The following DPF3 variants were observed in gnomAD, a reference collection of about 807,000 sequenced individuals.
The protein encoded by DPF3 is zinc finger protein DPF3.
A neutral mutation model predicts 56.8 loss-of-function variants in DPF3; 18 were observed. The observed-to-expected ratio is 0.32, with a 90% CI of 0.22 to 0.47. The LOEUF (loss-of-function observed/expected upper bound fraction) is 0.47, where lower values mean the gene tolerates loss of function less well. Ranked by LOEUF, DPF3 falls within the 20% of genes least tolerant of loss-of-function variation. The pLI, the probability that DPF3 is intolerant of heterozygous loss-of-function variation, is 1.00. For missense variants in DPF3, 403 were observed against 488.8 expected, an observed-to-expected ratio of 0.82 and a Z score of 1.65; for synonymous variants, 188 against 180.2, an observed-to-expected ratio of 1.04 and a Z score of -0.35.
intron 6 of DPF3, among the ~76,000 whole-genome samples, chr14:72,705,906 G>A (rs1237984518): frequency 1.3e-5 from 2 of 152,144 alleles, no homozygotes; most frequent in Admixed American, 6.5e-5. Context: ...GTGATAGTGT[G>A]TGTGGTGGGG....
At chr14:72,695,199 G>T (rs920738857) in intron 6 of DPF3, among the ~76,000 whole-genome samples, 1 of 152,184 alleles carries the variant, frequency 6.6e-6, no homozygotes, top group Non-Finnish European at 1.5e-5. Context: ...ATCTGAAAAT[G>T]AGGATAACAG....
At chr14:72,787,037 G>T (rs529484857) in intron 1 of DPF3, among the ~76,000 whole-genome samples, 1 of 152,350 alleles carries the variant, frequency 6.6e-6, no homozygotes, top group South Asian at 2.1e-4. Context: ...CGGACTCAGA[G>T]AGAGTTGATT....
intron 1 of DPF3, among the ~76,000 whole-genome samples, chr14:72,775,162 A>G (rs1891698720): frequency 1.3e-5 from 2 of 151,156 alleles, no homozygotes; most frequent in African/African-American, 2.4e-5. Context: ...CAGACTGCCA[A>G]AAAAAAAAGA....
intron 1 of DPF3, among the ~76,000 whole-genome samples, chr14:72,826,559 A>AGAT (rs1214424714): frequency 6.6e-6 from 1 of 152,220 alleles, no homozygotes; most frequent in African/African-American, 2.4e-5. Flanking sequence ...AGGAGAGGAG[A>AGAT]GATGATGCAT....
intron 1 of DPF3, among the ~76,000 whole-genome samples, chr14:72,860,552 A>ATTCTTT (rs55841508): frequency 0.6 from 89,946 of 149,282 alleles, 27,259 homozygotes; most frequent in Middle Eastern, 0.63. Flanking sequence ...CTGCAGCTTA[A>ATTCTTT]TTCTTTTTCT....
chr14:72,705,525 T>C (rs1888364749), intron 6 of DPF3, among the ~76,000 whole-genome samples: 1 of 152,148 alleles, frequency 6.6e-6, no homozygotes, highest in Non-Finnish European at 1.5e-5. Flanking sequence ...TGGAAAAATT[T>C]TCTTCCATGA....
chr14:72,825,495 GTAAGTTCAGTATCAA>G (rs1165401632), intron 1 of DPF3, among the ~76,000 whole-genome samples: 1 of 152,238 alleles, frequency 6.6e-6, no homozygotes, highest in Non-Finnish European at 1.5e-5. Context: ...CCAGCTAAAA[GTAAGTTCAGTATCAA>G]TTCAGGGCTT....
chr14:72,890,501 G>GATGATAATAATAATAATAATAATAATA (rs147775004), intron 1 of DPF3, among the ~76,000 whole-genome samples: 1 of 146,492 alleles, frequency 6.8e-6, no homozygotes, highest in East Asian at 2.0e-4. Context: ...AAAAAATAAT[G>GATGATAATAATAATAATAATAATAATA]ATAATAATAA....
At position 72,857,736 on chromosome 14, in the gene DPF3, G is replaced by A. The variant is rs142456542; in HGVS notation, c.32+36321C>T. On this transcript the variant is annotated intron_variant, in intron 1 of 10. Transcript: ENST00000556509. ...CGAGCAGCTGGGACTACAGGCACAC[G>A]CCACCATGCCCAGCTAATTTTTTTG... 8.2e-3 allele frequency among the ~76,000 whole-genome samples: 1,253 copies of A among 152,094 alleles called. 13 individuals are homozygous for A. Among genetic ancestry groups the A allele is most frequent in the African/African-American group, 0.027 (1,130 of 41,508 alleles).
intron 1 of DPF3, among the ~76,000 whole-genome samples, chr14:72,822,643 T>C (rs187958134): frequency 1.2e-4 from 19 of 152,306 alleles, no homozygotes; most frequent in African/African-American, 4.6e-4. Flanking sequence ...AATTACTTTC[T>C]GTAGTGTTTA....
At chr14:72,663,867 G>A (rs1886331893) in intron 8 of DPF3, among the ~76,000 whole-genome samples, 1 of 152,040 alleles carries the variant, frequency 6.6e-6, no homozygotes, top group African/African-American at 2.4e-5. Context: ...ACCTCTCCTG[G>A]TACCCAAGCA....
intron 1 of DPF3, among the ~76,000 whole-genome samples, chr14:72,838,803 T>G (rs1440573014): frequency 6.6e-6 from 1 of 150,934 alleles, no homozygotes; most frequent in Non-Finnish European, 1.5e-5. Context: ...CACAGTTGTT[T>G]TCAGCCAAAA....
chr14:72,656,935 G>A (rs1886077688), intron 8 of DPF3, among the ~76,000 whole-genome samples: 3 of 152,114 alleles, frequency 2.0e-5, no homozygotes, highest in Admixed American at 6.6e-5. Context: ...CACCCTTCAG[G>A]ATCATTTCAT....
At chr14:72,755,981 C>G (rs1281393039) in intron 2 of DPF3, among the ~76,000 whole-genome samples, 3 of 152,134 alleles carry the variant, frequency 2.0e-5, no homozygotes, top group African/African-American at 7.2e-5. Context: ...TAACTCAAAG[C>G]ATGTGTGTGT....
intron 3 of DPF3, among the ~76,000 whole-genome samples, chr14:72,734,628 G>A (rs1460283014): frequency 6.6e-6 from 1 of 152,116 alleles, no homozygotes; most frequent in East Asian, 1.9e-4. Context: ...TTATTTCCCA[G>A]AATGGTACAG....
At chr14:72,641,169 G>A (rs1272972381) in intron 8 of DPF3, among the ~76,000 whole-genome samples, 1 of 152,222 alleles carries the variant, frequency 6.6e-6, no homozygotes, top group Non-Finnish European at 1.5e-5. Flanking sequence ...AACTAACACA[G>A]TCACTAGTAG....
rs1445273710 is a variant in DPF3 at position 72,882,989 on chromosome 14, G to C, written c.32+11068C>G. ...AGGGAGGGAGTCAGGTGGCTGTGCT[G>C]ATTAGTTCTCAGGGGCAGGCAGGCA... On this transcript the variant is annotated intron_variant, in intron 1 of 10. Transcript: ENST00000556509. Among the ~76,000 whole-genome samples the C allele has an allele frequency of 2.6e-5, 4 of 152,198 alleles. No individual in the cohort carries two copies. In the East Asian group the frequency reaches 7.7e-4, roughly 29 times the overall value.
intron 9 of DPF3, among the ~76,000 whole-genome samples, chr14:72,629,143 G>C (rs890955597): frequency 2.0e-5 from 3 of 152,170 alleles, no homozygotes; most frequent in African/African-American, 4.8e-5. Context: ...AGGTATAAAA[G>C]TAAGTCCTTA....
At chr14:72,838,912 T>A (rs1247533578) in intron 1 of DPF3, among the ~76,000 whole-genome samples, 15,689 of 41,580 alleles carry the variant, frequency 0.38, 2,851 homozygotes, top group East Asian at 0.56. Context: ...TATATTCTTT[T>A]TTTTTTTTTT....
Sources: allele counts gnomAD v4.1 joint callset (sites outside exome capture counted in the v4.1 genomes callset), GRCh38; gene constraint gnomAD v4.1.1; transcripts MANE v1.5; gene names NCBI Gene and HGNC (gene_info 2026-07-23, HGNC 2026-07-21).